The following WDPCP variants were observed in gnomAD, a reference collection of about 807,000 sequenced individuals.
The protein encoded by WDPCP is WD repeat-containing and planar cell polarity effector protein fritz homolog.
Under a neutral mutation model 93.1 loss-of-function variants are expected in WDPCP, and 71 were observed. The observed-to-expected ratio is 0.76, with a 90% CI of 0.63 to 0.93. The LOEUF is 0.93. Among genes scored for constraint, WDPCP ranks in the 40% least tolerant of loss-of-function variants. The probability of loss-of-function intolerance (pLI) is 0.00; values close to 1 mark genes in which losing one functional copy is unlikely to be tolerated. For missense variants in WDPCP, 844 were observed against 887.4 expected, an observed-to-expected ratio of 0.95 and a Z score of 0.62; for synonymous variants, 315 against 315.0, an observed-to-expected ratio of 1.00 and a Z score of 0.00.
intron 1 of WDPCP, among the ~76,000 whole-genome samples, chr2:63,546,333 A>G (rs10175007): frequency 0.069 from 10,462 of 152,276 alleles, 1,092 homozygotes; most frequent in African/African-American, 0.23. Flanking sequence ...TTTAAATTCA[A>G]GAGGAAAGAA....
intron 14 of WDPCP, among the ~76,000 whole-genome samples, chr2:63,257,909 A>G (rs1681274977): frequency 6.6e-6 from 1 of 152,194 alleles, no homozygotes; most frequent in Non-Finnish European, 1.5e-5. Flanking sequence ...GAAAATTCCC[A>G]GAAAATTGGT....
rs1184973053 is a variant in WDPCP, at chr2:63,595,602, A to C, written n.488+55057T>G. On this transcript the variant is annotated intron_variant and non_coding_transcript_variant, in intron 3 of 4. Transcript: ENST00000467687. ...TTTTAGGTTTTTGTTAAAGGCTCTC[A>C]ATTAGAAATTATTTCATAAGAGGAT... 6 of 795,390 alleles carry C rather than the reference A, an allele frequency of 7.5e-6. No homozygotes were observed. In the Admixed American group the frequency reaches 1.5e-4, roughly 20 times the overall value. The allele number at this position is 795,390 out of a possible 1,614,324, so 49.3% of individuals were successfully genotyped here.
At chr2:63,365,339 A>T (rs1291289528) in intron 12 of WDPCP, among the ~76,000 whole-genome samples, 1 of 152,172 alleles carries the variant, frequency 6.6e-6, no homozygotes, top group Admixed American at 6.5e-5. Context: ...GAATGGCAGG[A>T]ATTTACTACA....
At chr2:63,256,382 T>C (rs1343918913) in intron 14 of WDPCP, among the ~76,000 whole-genome samples, 3 of 152,166 alleles carry the variant, frequency 2.0e-5, no homozygotes, top group African/African-American at 7.2e-5. Flanking sequence ...TATATTATAC[T>C]GTCACATATA....
At chr2:63,743,896 A>G (rs972244961) in intron 2 of WDPCP, among the ~76,000 whole-genome samples, 2 of 152,160 alleles carry the variant, frequency 1.3e-5, no homozygotes, top group Admixed American at 1.3e-4. Context: ...TTGAGTAGAA[A>G]TCACATAACT....
chr2:63,395,469 A>G (rs1693638557), intron 10 of WDPCP, among the ~76,000 whole-genome samples: 1 of 152,090 alleles, frequency 6.6e-6, no homozygotes, highest in East Asian at 1.9e-4. Flanking sequence ...CCACCTATAA[A>G]TGAGAATGTG....
At chr2:63,684,323 A>C in intron 2 of WDPCP, 1 of 637,306 alleles carries the variant, frequency 1.6e-6, no homozygotes, top group South Asian at 1.5e-5. Context: ...AGTTCATGAA[A>C]CCTGGGAAGG....
At chr2:63,493,034 G>A (rs765416788) in intron 1 of WDPCP, 94 bp from the exon 2 acceptor site, 67 of 1,043,234 alleles carry the variant, frequency 6.4e-5, no homozygotes, top group East Asian at 5.0e-4. Flanking sequence ...AGAATCATTC[G>A]CCACAACTGT....
intron 13 of WDPCP, among the ~76,000 whole-genome samples, chr2:63,289,547 A>G (rs143901025): frequency 4.6e-4 from 70 of 152,102 alleles, no homozygotes; most frequent in African/African-American, 1.6e-3. Context: ...TCATATTTCA[A>G]TCTTCTAGAA....
chr2:63,130,646 G>A (rs1238435658), intron 17 of WDPCP, among the ~76,000 whole-genome samples: 1 of 151,074 alleles, frequency 6.6e-6, no homozygotes, highest in African/African-American at 2.4e-5. Flanking sequence ...TTCTATTTCT[G>A]CAAAGATATA....
intron 14 of WDPCP, among the ~76,000 whole-genome samples, 165 bp from the exon 15 acceptor site, chr2:63,174,997 T>C (rs1183270966): frequency 6.6e-6 from 1 of 152,244 alleles, no homozygotes; most frequent in African/African-American, 2.4e-5. Flanking sequence ...GTCATTCTTA[T>C]ACTTACTTCA....
At chr2:63,501,747 T>A in intron 1 of WDPCP, among the ~76,000 whole-genome samples, 1 of 152,076 alleles carries the variant, frequency 6.6e-6, no homozygotes, top group Admixed American at 6.6e-5. Context: ...CTCCCAAGTA[T>A]CTGGGATTAC....
intron 6 of WDPCP, among the ~76,000 whole-genome samples, chr2:63,462,525 A>T (rs1253923760): frequency 1.3e-5 from 2 of 152,184 alleles, no homozygotes; most frequent in Non-Finnish European, 2.9e-5. Flanking sequence ...AATTAATTAA[A>T]TAAAAAATCA....
At chr2:63,649,374 C>T (rs1710085088) in intron 3 of WDPCP, among the ~76,000 whole-genome samples, 1 of 152,334 alleles carries the variant, frequency 6.6e-6, no homozygotes, top group East Asian at 1.9e-4. Flanking sequence ...TAACATGTAA[C>T]AACTGGACTT....
At chr2:63,580,760 A>G (rs1708442560) in intron 1 of WDPCP, among the ~76,000 whole-genome samples, 1 of 152,232 alleles carries the variant, frequency 6.6e-6, no homozygotes, top group Non-Finnish European at 1.5e-5. Context: ...CAGCGTGTCA[A>G]CAGGAGAGTA....
At chr2:63,541,161 T>C (rs976987436) in intron 1 of WDPCP, among the ~76,000 whole-genome samples, 1 of 152,016 alleles carries the variant, frequency 6.6e-6, no homozygotes, top group African/African-American at 2.4e-5. Flanking sequence ...TTAGTAGAGA[T>C]AGGTTTTTGC....
intron 13 of WDPCP, among the ~76,000 whole-genome samples, chr2:63,287,939 T>C (rs1684129379): frequency 6.6e-6 from 1 of 152,188 alleles, no homozygotes. Context: ...TAAGTCTTGT[T>C]TCAGAAGTTA....
intron 13 of WDPCP, among the ~76,000 whole-genome samples, chr2:63,277,229 A>G (rs1429841171): frequency 1.4e-5 from 2 of 142,980 alleles, no homozygotes; most frequent in East Asian, 4.2e-4. Flanking sequence ...TAAAAAAAAA[A>G]GCTAAATCTT....
At chr2:63,381,856 T>C (rs1381349336) in intron 11 of WDPCP, 50 bp downstream of exon 11, 1 of 1,588,300 alleles carries the variant, frequency 6.3e-7, no homozygotes. Flanking sequence ...CAATAAAATC[T>C]ATTTCATGTA....
Sources: allele counts gnomAD v4.1 joint callset (sites outside exome capture counted in the v4.1 genomes callset), GRCh38; gene constraint gnomAD v4.1.1; transcripts MANE v1.5; gene names NCBI Gene and HGNC (gene_info 2026-07-23, HGNC 2026-07-21).